Variants in EVI5 observed in about 807,000 individuals in gnomAD.
EVI5 encodes the protein ecotropic viral integration site 5.
Under a neutral mutation model 112.0 loss-of-function variants are expected in EVI5, and 73 were observed. That is an observed-to-expected ratio of 0.65 (90% CI 0.54 to 0.79). EVI5 has a LOEUF of 0.79. EVI5 is among the 30% of genes least tolerant of loss of function. The pLI, the probability that EVI5 is intolerant of heterozygous loss-of-function variation, is 0.00. For missense variants in EVI5, 900 were observed against 968.8 expected, an observed-to-expected ratio of 0.93 and a Z score of 0.94; for synonymous variants, 305 against 319.9, an observed-to-expected ratio of 0.95 and a Z score of 0.50.
At chr1:92,705,430 C>T (rs777863346) in intron 2 of EVI5, among the ~76,000 whole-genome samples, 5 of 152,136 alleles carry the variant, frequency 3.3e-5, no homozygotes, top group African/African-American at 4.8e-5. Context: ...GATATAGCTG[C>T]GTGGGAGCTT....
At chr1:92,604,369 T>G (rs1571840527) in intron 18 of EVI5, among the ~76,000 whole-genome samples, 1 of 60,484 alleles carries the variant, frequency 1.7e-5, no homozygotes, top group East Asian at 5.8e-4. Context: ...AAAAAAAAAA[T>G]TAAAACATTT....
chr1:92,720,508 C>T (rs1674556892), intron 2 of EVI5, among the ~76,000 whole-genome samples: 1 of 152,134 alleles, frequency 6.6e-6, no homozygotes, highest in Admixed American at 6.5e-5. Flanking sequence ...TTCCTTACAC[C>T]TTATACAAAA....
chr1:92,684,814 C>T (rs908516031), intron 9 of EVI5, among the ~76,000 whole-genome samples: 5 of 151,832 alleles, frequency 3.3e-5, no homozygotes, highest in African/African-American at 1.2e-4. Context: ...AAGAAGGTCA[C>T]TACATAATGG....
chr1:92,768,866 C>A (rs1683010726), intron 1 of EVI5, among the ~76,000 whole-genome samples: 1 of 152,180 alleles, frequency 6.6e-6, no homozygotes, highest in Non-Finnish European at 1.5e-5. Flanking sequence ...CCGGGCAAGA[C>A]CCTGTCTCAA....
Position 92,770,820 on chromosome 1 carries a change from T to C in EVI5, c.-82+14016A>G, listed in dbSNP as rs369311907. 4.6e-5 allele frequency among the ~76,000 whole-genome samples: 7 copies of C among 151,836 alleles called. No individual in the cohort carries two copies. The East Asian group carries it at 5.8e-4, about 13-fold the overall frequency. ...AAAGAAAAAGAAACCTCCAAAAGTC[T>C]GGGTTTTTTTGTTTGTTTGTTTTTT... is the stretch of plus-strand genomic sequence containing the variant. On this transcript the variant is annotated intron_variant, in intron 1 of 19. Coordinates refer to ENST00000684568, the MANE Select transcript of EVI5 (RefSeq NM_001350197.2).
chr1:92,560,237 C>T lies in EVI5; in HGVS notation c.2166+3405G>A, dbSNP rs147796830. Reference sequence around the variant, plus strand: ...GATGAAAATGAACAACCTACAGCTACATTTTAAAATGACAAAGTAAAATCT... The same window carrying T: ...GATGAAAATGAACAACCTACAGCTATATTTTAAAATGACAAAGTAAAATCT... On this transcript the variant is annotated intron_variant, in intron 19 of 19. Transcript: ENST00000684568. Among the ~76,000 whole-genome samples, 571 of 152,298 alleles carry T rather than the reference C, an allele frequency of 3.7e-3. 2 individuals are homozygous for T. The highest frequency in any genetic ancestry group is 0.013 in the African/African-American group (539 of 41,558).
At chr1:92,729,380 G>A (rs1293830012) in intron 2 of EVI5, among the ~76,000 whole-genome samples, 1 of 152,128 alleles carries the variant, frequency 6.6e-6, no homozygotes, top group Non-Finnish European at 1.5e-5. Context: ...GCACACATAA[G>A]GGGGGACTAC....
intron 10 of EVI5, among the ~76,000 whole-genome samples, chr1:92,669,213 A>AT (rs1665425251): frequency 6.6e-6 from 1 of 152,214 alleles, no homozygotes; most frequent in South Asian, 2.1e-4. Context: ...TATTCTTAAG[A>AT]TTTTTTTATT....
At chr1:92,611,921 A>G (rs963830034) in intron 16 of EVI5, among the ~76,000 whole-genome samples, 5 of 151,988 alleles carry the variant, frequency 3.3e-5, no homozygotes, top group Non-Finnish European at 7.4e-5. Context: ...CCCTATTTAA[A>G]AAAGAAAAAA....
chr1:92,673,582 T>C (rs1462533083), intron 10 of EVI5, among the ~76,000 whole-genome samples: 1 of 152,170 alleles, frequency 6.6e-6, no homozygotes, highest in Admixed American at 6.5e-5. Flanking sequence ...TCTGCCTGCC[T>C]CGGCCTCCCA....
At chr1:92,547,409 A>G (rs1665924173) in intron 19 of EVI5, among the ~76,000 whole-genome samples, 1 of 152,246 alleles carries the variant, frequency 6.6e-6, no homozygotes, top group Non-Finnish European at 1.5e-5. Context: ...AAGATCTAAA[A>G]TTGACACCCT....
chr1:92,738,843 T>A (rs1677872507), intron 1 of EVI5, among the ~76,000 whole-genome samples: 1 of 152,216 alleles, frequency 6.6e-6, no homozygotes, highest in Non-Finnish European at 1.5e-5. Context: ...ACTTCCACCC[T>A]GCCACCTCTG....
chr1:92,567,673 T>C (rs572113477), intron 18 of EVI5, among the ~76,000 whole-genome samples: 66 of 152,154 alleles, frequency 4.3e-4, no homozygotes, highest in African/African-American at 1.6e-3. Flanking sequence ...CACTCTATGA[T>C]TCACACACTG....
At chr1:92,635,118 T>TC (rs1183930402) in intron 14 of EVI5, among the ~76,000 whole-genome samples, 2 of 152,228 alleles carry the variant, frequency 1.3e-5, no homozygotes, top group East Asian at 3.8e-4. Context: ...GTTAGGCTAC[T>TC]CGGGGGTCAG....
intron 9 of EVI5, among the ~76,000 whole-genome samples, chr1:92,692,798 A>G (rs1484896698): frequency 1.3e-5 from 2 of 152,242 alleles, no homozygotes; most frequent in African/African-American, 4.8e-5. Flanking sequence ...GTAATTTCAT[A>G]TTGCAGCAGA....
chr1:92,725,350 G>C (rs546798974), intron 2 of EVI5, among the ~76,000 whole-genome samples: 5 of 152,100 alleles, frequency 3.3e-5, no homozygotes, highest in Non-Finnish European at 5.9e-5. Context: ...GCCTCAGTAG[G>C]GGGGAATAAT....
intron 15 of EVI5, 152 bp downstream of exon 15, chr1:92,625,642 C>T (rs1041178626): frequency 3.3e-5 from 19 of 578,204 alleles, no homozygotes; most frequent in African/African-American, 3.2e-4. Flanking sequence ...AGTGCACTTT[C>T]AGTTTATAAA....
chr1:92,715,341 G>A (rs373310653), intron 2 of EVI5, among the ~76,000 whole-genome samples: 3 of 152,034 alleles, frequency 2.0e-5, no homozygotes, highest in African/African-American at 4.8e-5. Context: ...ACACACACGC[G>A]ACTCAAAATT....
chr1:92,534,745 T>C (rs1206907606), intron 19 of EVI5, among the ~76,000 whole-genome samples: 3 of 152,192 alleles, frequency 2.0e-5, no homozygotes, highest in Non-Finnish European at 4.4e-5. Flanking sequence ...ACTGGATCCC[T>C]TCCTTACACT....
Sources: allele counts gnomAD v4.1 joint callset (sites outside exome capture counted in the v4.1 genomes callset), GRCh38; gene constraint gnomAD v4.1.1; transcripts MANE v1.5; gene names NCBI Gene and HGNC (gene_info 2026-07-23, HGNC 2026-07-21).